JADE3: variants seen among roughly 807,000 people sequenced by gnomAD.
The protein encoded by JADE3 is jade family PHD finger 3, also known as protein Jade-3.
A neutral mutation model predicts 50.1 loss-of-function variants in JADE3; 2 were observed. That is an observed-to-expected ratio of 0.04 (90% CI 0.02 to 0.13). The LOEUF (loss-of-function observed/expected upper bound fraction) is 0.13, where lower values mean the gene tolerates loss of function less well. Among genes scored for constraint, JADE3 ranks in the 10% least tolerant of loss-of-function variants. The pLI is 1.00. For missense variants in JADE3, 475 were observed against 634.4 expected (o/e 0.75, Z 2.70); for synonymous variants, 218 against 232.9 (o/e 0.94, Z 0.58).
intron 8 of JADE3, among the ~76,000 whole-genome samples, chrX:47,053,637 C>A (rs1929569093): frequency 8.9e-6 from 1 of 112,420 alleles, no homozygotes; most frequent in Non-Finnish European, 1.9e-5. Context: ...TTTTTTAGAA[C>A]CAGTGGATGC....
intron 3 of JADE3, among the ~76,000 whole-genome samples, chrX:46,989,990 A>C (rs1472413051): frequency 1.0e-4 from 11 of 110,184 alleles, no homozygotes; most frequent in Non-Finnish European, 1.9e-4. Context: ...CTATCTTATG[A>C]GTTTGTTATT....
chrX:46,922,091 T>C (rs1926234751), intron 1 of JADE3, among the ~76,000 whole-genome samples: 1 of 105,282 alleles, frequency 9.5e-6, no homozygotes, highest in African/African-American at 3.5e-5. Flanking sequence ...CCCAACAGAC[T>C]CCAGTGTGTG....
chrX:46,984,022 A>T (rs782337930), intron 1 of JADE3, among the ~76,000 whole-genome samples: 2 of 112,444 alleles, frequency 1.8e-5, no homozygotes, highest in East Asian at 5.6e-4. Flanking sequence ...TTATGGAATC[A>T]TGATAGCCCC....
chrX:46,977,949 CT>C (rs1479016126), intron 1 of JADE3, among the ~76,000 whole-genome samples: 4 of 111,742 alleles, frequency 3.6e-5, no homozygotes, highest in Non-Finnish European at 7.5e-5. Flanking sequence ...AGTATGCTAG[CT>C]AGGTAAACAG....
chrX:46,949,877 T>C (rs1224762428), intron 1 of JADE3, among the ~76,000 whole-genome samples: 2 of 111,897 alleles, frequency 1.8e-5, no homozygotes, highest in East Asian at 5.5e-4. Flanking sequence ...ATATAATGTT[T>C]CTGAGATTCA....
chrX:46,979,274 A>G (rs1362468920), intron 1 of JADE3, among the ~76,000 whole-genome samples: 8 of 111,926 alleles, frequency 7.1e-5, no homozygotes, highest in African/African-American at 2.3e-4. Context: ...CAGTTTGATA[A>G]CTCTTTTACT....
intron 8 of JADE3, among the ~76,000 whole-genome samples, chrX:47,040,275 G>T (rs782221757): frequency 1.8e-5 from 2 of 112,069 alleles, no homozygotes; most frequent in East Asian, 5.6e-4. Flanking sequence ...CCACAGACAG[G>T]TACTGGTCCA....
intron 1 of JADE3, among the ~76,000 whole-genome samples, chrX:46,917,868 TCTCTCTCTCTCTCTCTCATC>T (rs1926137157): frequency 9.8e-6 from 1 of 102,513 alleles, no homozygotes; most frequent in South Asian, 4.9e-4. Context: ...CCTCTCTCTC[TCTCTCTCTCTCTCTCTCATC>T]CTCTCTCTCT....
intron 1 of JADE3, among the ~76,000 whole-genome samples, chrX:46,917,396 TTAAC>T (rs1380230325): frequency 8.1e-5 from 9 of 111,433 alleles, no homozygotes; most frequent in South Asian, 3.8e-4. Flanking sequence ...TGCTAAGTGC[TTAAC>T]TAACAGAGGA....
chrX:46,913,622 C>G (rs1926018385), intron 1 of JADE3, among the ~76,000 whole-genome samples: 1 of 110,090 alleles, frequency 9.1e-6, no homozygotes, highest in African/African-American at 3.3e-5. Context: ...CAATCTTTTT[C>G]TCCCGCTTTT....
At chrX:46,945,030 A>C (rs1556343093) in intron 1 of JADE3, among the ~76,000 whole-genome samples, 1 of 103,460 alleles carries the variant, frequency 9.7e-6, no homozygotes, top group Non-Finnish European at 2.0e-5. Context: ...TTTTTTTGAT[A>C]ATTTTTGTAA....
chrX:46,955,594 G>T (rs1420686938), intron 1 of JADE3, among the ~76,000 whole-genome samples: 4 of 111,440 alleles, frequency 3.6e-5, no homozygotes, highest in African/African-American at 9.8e-5. Context: ...TCAGACTGTT[G>T]CATTATCTTT....
rs1927443524 is a variant in JADE3 at position 46,969,627 on chromosome X, A to T, written c.-11-15257A>T. 3.6e-5 allele frequency among the ~76,000 whole-genome samples: 4 copies of T among 112,273 alleles called. No individual in the cohort carries two copies. The Admixed American group carries it at 3.8e-4, about 11-fold the overall frequency. On this transcript the variant is annotated intron_variant, in intron 1 of 10. Transcript: ENST00000614628. ...CAAGGCGGACAGATCACCTGAGGTC[A>T]GGAGTTCAAGACCAGCCTGGCCAAC...
At chrX:46,994,411 G>A (rs782589127) in intron 3 of JADE3, among the ~76,000 whole-genome samples, 2 of 111,910 alleles carry the variant, frequency 1.8e-5, no homozygotes, top group Non-Finnish European at 3.8e-5. Context: ...AAGCCTTTTT[G>A]TTTCAGGAAC....
chrX:46,934,176 C>T (rs1556340412), intron 1 of JADE3, among the ~76,000 whole-genome samples: 1 of 111,676 alleles, frequency 9.0e-6, no homozygotes, highest in Non-Finnish European at 1.9e-5. Context: ...GGCTCTGTCA[C>T]CCAAGCTGGA....
Position 47,058,778 on chromosome X carries a change from A to G in JADE3, c.2173A>G (p.Lys725Glu). Residue 725 changes from lysine (K) to glutamate (E), a missense_variant, in exon 11 of 11, where the codon AAG becomes GAG. Around this residue, in one of 6 missense-constraint regions of JADE3, gnomAD observed 243 missense variants for 238.2 expected, o/e 1.02. Transcript: ENST00000614628. ...SFKETTNRWVKNTEDLQCYVK... is the reference protein window; with the variant it reads ...SFKETTNRWVENTEDLQCYVK... The stretch of plus-strand genomic sequence containing the variant: ...TAAAGAGACCACCAATAGGTGGGTG[A>G]AGAACACAGAGGACCTCCAGTGCTA... 1 of 1,209,331 alleles carries G rather than the reference A, an allele frequency of 8.3e-7. No homozygotes were observed. The highest frequency in any genetic ancestry group is 1.1e-6 in the Non-Finnish European group (1 of 893,409).
intron 3 of JADE3, among the ~76,000 whole-genome samples, chrX:46,991,070 CT>C (rs1409912809): frequency 3.6e-4 from 4 of 10,969 alleles, no homozygotes; most frequent in African/African-American, 9.7e-4. Context: ...CACTCCCTCC[CT>C]CCCCCCCCCC....
At chrX:46,924,864 G>A (rs1230106144) in intron 1 of JADE3, among the ~76,000 whole-genome samples, 2 of 112,316 alleles carry the variant, frequency 1.8e-5, no homozygotes, top group Non-Finnish European at 3.8e-5. Context: ...TATTTAGATT[G>A]TAGATTTTGT....
chrX:46,930,494 A>G (rs1199408352), intron 1 of JADE3, among the ~76,000 whole-genome samples: 1 of 112,368 alleles, frequency 8.9e-6, no homozygotes, highest in East Asian at 2.8e-4. Context: ...TTACATAGCA[A>G]TAAATAACTG....
Sources: gnomAD v4.1 joint callset for allele counts (sites outside exome capture counted in the v4.1 genomes callset) on GRCh38, gnomAD v4.1.1 for gene constraint, gnomAD v4.1.1 regional missense constraint, MANE v1.5 for transcripts, NCBI Gene and HGNC (gene_info 2026-07-23, HGNC 2026-07-21) for gene names.